Variants in SH3RF2 observed in about 807,000 individuals in gnomAD.
SH3RF2 encodes SH3 domain containing ring finger 2.
A neutral mutation model predicts 59.0 loss-of-function variants in SH3RF2; 43 were observed. The ratio of observed to expected loss-of-function variants is 0.73; its 90% confidence interval spans 0.57 to 0.94. The LOEUF is 0.94. SH3RF2 is among the 40% of genes least tolerant of loss of function. The pLI is 0.00. For missense variants in SH3RF2, 930 were observed against 940.1 expected, an observed-to-expected ratio of 0.99 and a Z score of 0.14; for synonymous variants, 391 against 391.5, an observed-to-expected ratio of 1.00 and a Z score of 0.01.
intron 2 of SH3RF2, among the ~76,000 whole-genome samples, chr5:145,992,208 CA>C (rs1471402454): frequency 6.6e-6 from 1 of 151,734 alleles, no homozygotes; most frequent in Non-Finnish European, 1.5e-5. Context: ...CCCGTCTCTG[CA>C]AAAAATACAA....
At chr5:145,972,595 G>A (rs1682702046) in intron 2 of SH3RF2, among the ~76,000 whole-genome samples, 1 of 152,188 alleles carries the variant, frequency 6.6e-6, no homozygotes, top group African/African-American at 2.4e-5. Flanking sequence ...TGGGCTAGAT[G>A]TGATATCTCC....
intron 2 of SH3RF2, among the ~76,000 whole-genome samples, chr5:145,959,242 A>G (rs1033237729): frequency 1.5e-4 from 23 of 152,198 alleles, no homozygotes; most frequent in African/African-American, 5.6e-4. Flanking sequence ...AACATTTTTA[A>G]TTATTTCCAA....
At chr5:146,031,705 T>C (rs78905210) in intron 5 of SH3RF2, among the ~76,000 whole-genome samples, 2,294 of 152,228 alleles carry the variant, frequency 0.015, 62 homozygotes, top group African/African-American at 0.053. Context: ...ATTTTGAGAG[T>C]AATCAATACC....
At chr5:145,941,810 G>C (rs1327740500) in intron 2 of SH3RF2, among the ~76,000 whole-genome samples, 2 of 152,152 alleles carry the variant, frequency 1.3e-5, no homozygotes, top group Non-Finnish European at 2.9e-5. Flanking sequence ...ACCTCAGAGG[G>C]TTGTTGTGAG....
intron 3 of SH3RF2, among the ~76,000 whole-genome samples, chr5:146,001,123 CCT>C (rs1760391092): frequency 6.6e-6 from 1 of 152,156 alleles, no homozygotes. Flanking sequence ...ATTTCTTGTG[CCT>C]CTCTTTTTCA....
At chr5:146,074,106 C>T (rs1246730910) in intron 9 of SH3RF2, among the ~76,000 whole-genome samples, 1 of 141,532 alleles carries the variant, frequency 7.1e-6, no homozygotes, top group Non-Finnish European at 1.5e-5. Flanking sequence ...GAGGCGCGAT[C>T]TTGGCTCACT....
At chr5:146,035,145 G>A (rs890817196) in intron 5 of SH3RF2, among the ~76,000 whole-genome samples, 13 of 151,478 alleles carry the variant, frequency 8.6e-5, no homozygotes, top group Admixed American at 5.9e-4. Flanking sequence ...TTTGATAATG[G>A]GTGGTGGTGG....
chr5:146,033,849 G>A (rs13170195), intron 5 of SH3RF2, among the ~76,000 whole-genome samples: 43,070 of 151,940 alleles, frequency 0.28, 7,734 homozygotes, highest in Non-Finnish European at 0.38. Flanking sequence ...ATCAAGAAAA[G>A]GTAAAGAACA....
chr5:145,975,660 C>T (rs1183779271), intron 2 of SH3RF2, among the ~76,000 whole-genome samples: 1 of 152,162 alleles, frequency 6.6e-6, no homozygotes, highest in Non-Finnish European at 1.5e-5. Context: ...TCACAGTCAG[C>T]CCTGCTAGAG....
chr5:145,968,970 C>CT (rs999375018), intron 2 of SH3RF2, among the ~76,000 whole-genome samples: 4 of 152,020 alleles, frequency 2.6e-5, no homozygotes, highest in African/African-American at 4.8e-5. Context: ...ACATATAATT[C>CT]TTTTTTACTT....
At chr5:146,069,301 T>C (rs2962538) in intron 9 of SH3RF2, among the ~76,000 whole-genome samples, 146,253 of 152,250 alleles carry the variant, frequency 0.96, 70,558 homozygotes, top group East Asian at 1. Flanking sequence ...TCCAACTACA[T>C]CTGTTTTGGG....
intron 4 of SH3RF2, among the ~76,000 whole-genome samples, chr5:146,010,497 A>G (rs570493862): frequency 6.6e-6 from 1 of 152,322 alleles, no homozygotes; most frequent in East Asian, 1.9e-4. Flanking sequence ...TCCCAACAAC[A>G]GTGTAAAAGT....
downstream of SH3RF2, among the ~76,000 whole-genome samples, chr5:146,067,369 T>G (rs569976665): frequency 6.6e-6 from 1 of 152,164 alleles, no homozygotes; most frequent in Non-Finnish European, 1.5e-5. Flanking sequence ...AGCAGCCTGC[T>G]TCACTCACCC....
chr5:145,985,499 T>G (rs10079570), intron 2 of SH3RF2, among the ~76,000 whole-genome samples: 19,392 of 152,134 alleles, frequency 0.13, 1,391 homozygotes, highest in East Asian at 0.26. Flanking sequence ...TGTGGCACCT[T>G]TACCTCACTG....
chr5:145,995,839 C>T (rs745517275), intron 2 of SH3RF2, among the ~76,000 whole-genome samples: 8 of 152,140 alleles, frequency 5.3e-5, no homozygotes, highest in Non-Finnish European at 7.3e-5. Context: ...TCTTCTGTTA[C>T]ACTTAATGGT....
intron 2 of SH3RF2, among the ~76,000 whole-genome samples, chr5:145,948,684 T>C (rs754594324): frequency 1.3e-5 from 2 of 152,244 alleles, no homozygotes; most frequent in Non-Finnish European, 2.9e-5. Context: ...AAATTCGCCA[T>C]GTGGCTGATG....
chr5:146,031,956 G>C (rs979243884), intron 5 of SH3RF2, among the ~76,000 whole-genome samples: 4 of 152,126 alleles, frequency 2.6e-5, no homozygotes, highest in African/African-American at 9.7e-5. Flanking sequence ...TGCTCCAGGG[G>C]TAAGAGACAA....
chr5:145,938,440 G>A, intron 2 of SH3RF2, 134 bp downstream of exon 2: 1 of 1,076,738 alleles, frequency 9.3e-7, no homozygotes. Context: ...AGTTTCTGTG[G>A]GCAGTGATCA....
intron 4 of SH3RF2, 26 bp downstream of exon 4, chr5:146,004,179 G>T: frequency 6.4e-7 from 1 of 1,567,500 alleles, no homozygotes; most frequent in South Asian, 1.1e-5. Flanking sequence ...GTCTACATCT[G>T]ATTTACGCAT....
Sources: gnomAD v4.1 joint callset for allele counts (sites outside exome capture counted in the v4.1 genomes callset) on GRCh38, gnomAD v4.1.1 for gene constraint, MANE v1.5 for transcripts, NCBI Gene and HGNC (gene_info 2026-07-23, HGNC 2026-07-21) for gene names.